The following SYAP1 variants were observed in gnomAD, a reference collection of about 807,000 sequenced individuals.
SYAP1 encodes synapse-associated protein 1.
SYAP1 carries 3 observed loss-of-function variants against 29.6 expected under a neutral mutation model. The observed-to-expected ratio is 0.10, with a 90% CI of 0.05 to 0.26. The LOEUF is 0.26. SYAP1 is among the 10% of genes least tolerant of loss of function. SYAP1 has a pLI of 1.00. For synonymous variants in SYAP1, 102 were observed against 102.7 expected (o/e 0.99, Z 0.04); for missense variants, 217 against 264.1 (o/e 0.82, Z 1.24).
rs1926235112 is a variant in SYAP1 at position 16,732,644 on chromosome X, AG to A, written c.176-2582del. The stretch of plus-strand genomic sequence containing the variant: ...AACAGTTGTGATGAAGGCCTATATT[AG>A]TGAGACCTGGCCTGCAACAGTTTTA... On this transcript the variant is annotated intron_variant, in intron 1 of 8. Transcript: ENST00000380155. 3.6e-5 allele frequency among the ~76,000 whole-genome samples: 4 copies of A among 112,373 alleles called. No homozygotes were observed. In the South Asian group the frequency reaches 1.5e-3, roughly 41 times the overall value.
intron 8 of SYAP1, among the ~76,000 whole-genome samples, chrX:16,760,023 A>G (rs1926946168): frequency 8.9e-6 from 1 of 112,775 alleles, no homozygotes; most frequent in Admixed American, 9.5e-5. Context: ...CTTTGCTTCT[A>G]CATTAACAGA....
rs1191615791 is a variant in SYAP1 at position 16,763,242 on chromosome X, T to G, written c.*2883T>G. The G allele has an allele frequency of 1.1e-5, 1 of 93,618 alleles. No homozygotes were observed. The highest frequency in any genetic ancestry group is 1.3e-4 in the Admixed American group (1 of 7,867). The allele number at this position is 93,618 out of a possible 1,213,427, so 7.7% of individuals were successfully genotyped here. On this transcript the variant is annotated 3_prime_UTR_variant, in exon 9 of 9. Coordinates refer to ENST00000380155, the MANE Select transcript of SYAP1 (RefSeq NM_032796.4). ...TCCAGGCTGCAGTAAGCCATGATCATGCCACTGCACTTCAGCCTGGGTGAC... is the reference window on the plus strand; with the variant it reads ...TCCAGGCTGCAGTAAGCCATGATCAGGCCACTGCACTTCAGCCTGGGTGAC...
At chrX:16,722,807 C>G (rs1254078337) in intron 1 of SYAP1, among the ~76,000 whole-genome samples, 2 of 112,062 alleles carry the variant, frequency 1.8e-5, no homozygotes, top group African/African-American at 3.2e-5. Flanking sequence ...TATAGGAGAA[C>G]TCACTTAAGA....
In SYAP1 at chrX:16,736,224, A is replaced by T. The variant is rs1483567794; in HGVS notation, c.353A>T (p.Lys118Met). ...AAATTTGTTGAAGAGCAACATACAA[A>T]GAAGTCAGGTATGGTATAGGTTTGT... Reference protein sequence around the residue: ...QKKFVEEQHTKKSEAAVPPWV... With the variant: ...QKKFVEEQHTMKSEAAVPPWV... Residue 118 changes from lysine (K) to methionine (M), a missense_variant, in exon 3 of 9, where the codon AAG (lysine) becomes ATG (methionine). Physicochemically the swap from Lys to Met is moderately conservative, Grantham distance 95 (BLOSUM62 -1). Coordinates refer to ENST00000380155, the MANE Select transcript of SYAP1 (RefSeq NM_032796.4). 2 of 1,186,382 alleles carry T rather than the reference A, an allele frequency of 1.7e-6. No homozygotes were observed. Among genetic ancestry groups the T allele is most frequent in the African/African-American group, 3.5e-5 (2 of 57,430 alleles).
At chrX:16,720,415 A>C (rs1272497072) in intron 1 of SYAP1, among the ~76,000 whole-genome samples, 1 of 111,816 alleles carries the variant, frequency 8.9e-6, no homozygotes, top group Non-Finnish European at 1.9e-5. Flanking sequence ...AGGGAGAGAA[A>C]ATGCCAACTG....
rs1289195376 is a variant in SYAP1, at chrX:16,743,830, G to A, written c.565G>A (p.Val189Ile). The change falls in exon 5 of 9, where the codon GTT becomes ATT. Residue 189 changes from valine (V) to isoleucine (I), a missense_variant. By Grantham distance (29) the Val-to-Ile change is conservative. Transcript: ENST00000380155. ...GCTAAGCAAGATGAGATTTGCCCTCGTTCCTAAACTGTAAGCAGAGTGTTC... is the reference window on the plus strand; with the variant it reads ...GCTAAGCAAGATGAGATTTGCCCTCATTCCTAAACTGTAAGCAGAGTGTTC... ...ELLSKMRFALVPKLVKEEVFW... is the reference protein window; with the variant it reads ...ELLSKMRFALIPKLVKEEVFW... The A allele has an allele frequency of 8.3e-7, 1 of 1,209,911 alleles. No homozygotes were observed. The highest frequency in any genetic ancestry group is 1.1e-6 in the Non-Finnish European group (1 of 894,706).
intron 5 of SYAP1, among the ~76,000 whole-genome samples, chrX:16,749,491 G>A (rs1003624695): frequency 8.9e-6 from 1 of 112,008 alleles, no homozygotes; most frequent in Non-Finnish European, 1.9e-5. Flanking sequence ...TCAAGAGGGA[G>A]AGACTATGGA....
At chrX:16,735,484 G>T in intron 2 of SYAP1, 139 bp downstream of exon 2, 1 of 413,600 alleles carries the variant, frequency 2.4e-6, no homozygotes, top group Non-Finnish European at 4.1e-6. Flanking sequence ...GAGATTTTTG[G>T]TTTTTTCCTC....
chrX:16,732,564 G>A (rs113895461), intron 1 of SYAP1, among the ~76,000 whole-genome samples: 8,396 of 110,789 alleles, frequency 0.076, 813 homozygotes, highest in African/African-American at 0.27. Context: ...GAGCCACCGC[G>A]CCCAGCCCGG....
At chrX:16,734,939 C>G (rs974211884) in intron 1 of SYAP1, among the ~76,000 whole-genome samples, 13 of 96,214 alleles carry the variant, frequency 1.4e-4, no homozygotes, top group African/African-American at 5.3e-4. Context: ...GCAGAGCTTG[C>G]AGTGAGCTGA....
intron 3 of SYAP1, among the ~76,000 whole-genome samples, chrX:16,738,826 G>T (rs1926386580): frequency 8.9e-6 from 1 of 112,052 alleles, no homozygotes; most frequent in Non-Finnish European, 1.9e-5. Context: ...CATGAGAAGG[G>T]CACCTTGGAA....
At chrX:16,754,851 T>C (rs1202367723) in intron 5 of SYAP1, 94 bp from the exon 6 acceptor site, 1 of 894,985 alleles carries the variant, frequency 1.1e-6, no homozygotes. Flanking sequence ...TGCACTTGTC[T>C]GTGTGCGTTC....
intron 5 of SYAP1, among the ~76,000 whole-genome samples, chrX:16,753,406 T>A (rs1474281813): frequency 1.8e-5 from 2 of 110,139 alleles, no homozygotes; most frequent in Non-Finnish European, 3.8e-5. Flanking sequence ...AGAGTGAGAC[T>A]TTGTCTCAAA....
intron 5 of SYAP1, among the ~76,000 whole-genome samples, chrX:16,754,068 C>T (rs1926792552): frequency 9.0e-6 from 1 of 111,127 alleles, no homozygotes; most frequent in African/African-American, 3.3e-5. Flanking sequence ...GGTTGAACTG[C>T]ACTTCAATCT....
chrX:16,747,478 G>A (rs1422039922), intron 5 of SYAP1, among the ~76,000 whole-genome samples: 5 of 112,211 alleles, frequency 4.5e-5, no homozygotes, highest in Non-Finnish European at 9.4e-5. Flanking sequence ...TCCTGCTGTG[G>A]CTCTCAAGAC....
At chrX:16,757,908 A>AAATAATAATAATAATAAT (rs749499003) in intron 8 of SYAP1, among the ~76,000 whole-genome samples, 9 of 108,382 alleles carry the variant, frequency 8.3e-5, no homozygotes, top group African/African-American at 3.0e-4. Flanking sequence ...CTTCATCTCA[A>AAATAATAATAATAATAAT]AATAATAATA....
chrX:16,731,945 A>G (rs1280496842), intron 1 of SYAP1, among the ~76,000 whole-genome samples: 2 of 111,688 alleles, frequency 1.8e-5, no homozygotes, highest in Admixed American at 1.9e-4. Flanking sequence ...TGTCTCAAAA[A>G]AAAAAAAATT....
chrX:16,736,696 A>G lies in SYAP1; in HGVS notation c.361+464A>G, dbSNP rs748132061. Among the ~76,000 whole-genome samples the G allele has an allele frequency of 2.7e-5, 3 of 111,707 alleles. No homozygotes were observed. In the South Asian group the frequency reaches 1.1e-3, roughly 42 times the overall value. On this transcript the variant is annotated intron_variant, in intron 3 of 8. Coordinates refer to ENST00000380155, the MANE Select transcript of SYAP1 (RefSeq NM_032796.4). The stretch of plus-strand genomic sequence containing the variant: ...TTTTGTGTGTGTGTATTTTTAGTAG[A>G]AACGGGGTTTTACCATGTTGGCAGG...
chrX:16,752,363 G>GGATTAT (rs1926753155), intron 5 of SYAP1, among the ~76,000 whole-genome samples: 1 of 75,699 alleles, frequency 1.3e-5, no homozygotes. Flanking sequence ...AGTTATCAAT[G>GGATTAT]GATTATTATT....
Sources: allele counts gnomAD v4.1 joint callset (sites outside exome capture counted in the v4.1 genomes callset), GRCh38; gene constraint gnomAD v4.1.1; transcripts MANE v1.5; gene names NCBI Gene and HGNC (gene_info 2026-07-23, HGNC 2026-07-21).